HDAC8: variants seen among roughly 807,000 people sequenced by gnomAD.
HDAC8 encodes the protein histone deacetylase-like 1.
HDAC8 carries 1 observed loss-of-function variant against 32.2 expected under a neutral mutation model. That is an observed-to-expected ratio of 0.03 (90% CI 0.01 to 0.15). The LOEUF is 0.15. Among genes scored for constraint, HDAC8 ranks in the 10% least tolerant of loss-of-function variants. HDAC8 has a pLI of 1.00. For synonymous variants in HDAC8, 108 were observed against 113.9 expected (o/e 0.95, Z 0.33); for missense variants, 117 against 300.0 (o/e 0.39, Z 4.51).
chrX:72,452,481 C>A (rs2047597520), intron 9 of HDAC8, among the ~76,000 whole-genome samples: 1 of 110,835 alleles, frequency 9.0e-6, no homozygotes, highest in Non-Finnish European at 1.9e-5. Flanking sequence ...CAAAAACCAA[C>A]CAAACAAAAA....
intron 4 of HDAC8, among the ~76,000 whole-genome samples, chrX:72,552,670 C>T (rs933547307): frequency 9.2e-6 from 1 of 108,658 alleles, no homozygotes; most frequent in African/African-American, 3.3e-5. Flanking sequence ...GTCCCAGCTA[C>T]TTGGCTGAGG....
intron 9 of HDAC8, among the ~76,000 whole-genome samples, chrX:72,427,606 G>GGGA (rs1255410484): frequency 2.3e-5 from 2 of 86,979 alleles, no homozygotes; most frequent in Non-Finnish European, 4.9e-5. Context: ...GTGGGGTGGG[G>GGGA]GGGGGGAGGG....
At chrX:72,427,339 A>G (rs1186103782) in intron 9 of HDAC8, among the ~76,000 whole-genome samples, 12 of 110,703 alleles carry the variant, frequency 1.1e-4, no homozygotes, top group African/African-American at 3.9e-4. Context: ...AAAGACTTGG[A>G]ACCAACCCAA....
At chrX:72,415,309 C>T (rs1555971398) in intron 9 of HDAC8, among the ~76,000 whole-genome samples, 1 of 112,022 alleles carries the variant, frequency 8.9e-6, no homozygotes, top group Non-Finnish European at 1.9e-5. Context: ...TGTTTCTTTG[C>T]CAATACCACA....
chrX:72,510,667 G>A (rs2049552131), intron 4 of HDAC8, among the ~76,000 whole-genome samples: 1 of 111,156 alleles, frequency 9.0e-6, no homozygotes, highest in African/African-American at 3.3e-5. Context: ...GTGGGTCCGT[G>A]AAAATTGCTG....
At chrX:72,508,936 T>C (rs782295143) in intron 4 of HDAC8, among the ~76,000 whole-genome samples, 14 of 112,082 alleles carry the variant, frequency 1.2e-4, no homozygotes, top group Non-Finnish European at 2.1e-4. Flanking sequence ...AAGCTGTACA[T>C]ACTTAATGTT....
At chrX:72,334,327 TCTTA>T (rs1209366616) in intron 10 of HDAC8, among the ~76,000 whole-genome samples, 2 of 112,387 alleles carry the variant, frequency 1.8e-5, no homozygotes, top group Non-Finnish European at 3.8e-5. Flanking sequence ...TTTTTCATTT[TCTTA>T]CTTTGAATCA....
At chrX:72,551,231 A>G (rs2051060161) in intron 4 of HDAC8, among the ~76,000 whole-genome samples, 1 of 111,411 alleles carries the variant, frequency 9.0e-6, no homozygotes. Flanking sequence ...ATTAAAGAAA[A>G]GCCTTTGGGA....
At chrX:72,519,372 C>T (rs1021935287) in intron 4 of HDAC8, among the ~76,000 whole-genome samples, 2 of 112,035 alleles carry the variant, frequency 1.8e-5, no homozygotes, top group African/African-American at 6.5e-5. Context: ...TCTTAAGAAA[C>T]TGTCAGATTG....
chrX:72,446,227 C>A, intron 9 of HDAC8, among the ~76,000 whole-genome samples: 1 of 112,223 alleles, frequency 8.9e-6, no homozygotes, highest in Non-Finnish European at 1.9e-5. Flanking sequence ...TATAAAGACA[C>A]ACGCACACGT....
At chrX:72,542,862 C>T (rs1325305650) in intron 4 of HDAC8, among the ~76,000 whole-genome samples, 5 of 112,328 alleles carry the variant, frequency 4.5e-5, no homozygotes, top group Non-Finnish European at 9.4e-5. Context: ...AATTCATATA[C>T]AATTTAAGAG....
intron 10 of HDAC8, among the ~76,000 whole-genome samples, chrX:72,335,906 C>T (rs1407550726): frequency 1.0e-5 from 1 of 98,525 alleles, no homozygotes; most frequent in African/African-American, 4.0e-5. Flanking sequence ...GAAACACTGT[C>T]TCTAAAAAAA....
At chrX:72,566,962 G>A (rs1292162222) in intron 4 of HDAC8, among the ~76,000 whole-genome samples, 1 of 111,525 alleles carries the variant, frequency 9.0e-6, no homozygotes, top group African/African-American at 3.3e-5. Flanking sequence ...CCTGGCCAAC[G>A]TGGTGAAACC....
At chrX:72,546,821 C>G (rs1201521262) in intron 4 of HDAC8, among the ~76,000 whole-genome samples, 4 of 111,378 alleles carry the variant, frequency 3.6e-5, no homozygotes, top group Non-Finnish European at 7.5e-5. Context: ...TTCTTGACTT[C>G]TTTCGCTCTG....
chrX:72,338,753 C>T (rs1265091774), intron 10 of HDAC8, among the ~76,000 whole-genome samples: 2 of 100,321 alleles, frequency 2.0e-5, no homozygotes, highest in African/African-American at 3.6e-5. Context: ...TATTAACTCA[C>T]TTTTAAACCT....
intron 4 of HDAC8, among the ~76,000 whole-genome samples, chrX:72,528,236 C>G (rs1425289013): frequency 1.8e-5 from 2 of 111,589 alleles, no homozygotes; most frequent in Non-Finnish European, 3.8e-5. Context: ...TCATCTCTAT[C>G]TCAACCCCCT....
chrX:72,331,642 A>T (rs1036717678), intron 10 of HDAC8, among the ~76,000 whole-genome samples: 22 of 111,526 alleles, frequency 2.0e-4, no homozygotes, highest in Non-Finnish European at 4.0e-4. Flanking sequence ...CAAAAAAAAA[A>T]TAGTGCAGAG....
chrX:72,505,205 T>A (rs1430541815), intron 4 of HDAC8, among the ~76,000 whole-genome samples: 2 of 111,582 alleles, frequency 1.8e-5, no homozygotes, highest in African/African-American at 6.5e-5. Flanking sequence ...TTGTTTCACT[T>A]TGTTGATAAA....
At chrX:72,501,068 G>A (rs1324543966) in intron 4 of HDAC8, among the ~76,000 whole-genome samples, 2 of 111,211 alleles carry the variant, frequency 1.8e-5, no homozygotes, top group Admixed American at 9.5e-5. Flanking sequence ...TACCAGGGAG[G>A]TGAAAGATCT....
Sources: allele counts gnomAD v4.1 joint callset (sites outside exome capture counted in the v4.1 genomes callset), GRCh38; gene constraint gnomAD v4.1.1; transcripts MANE v1.5; gene names NCBI Gene and HGNC (gene_info 2026-07-23, HGNC 2026-07-21).